Variants in ASPRV1 observed in about 807,000 individuals in gnomAD.
The protein encoded by ASPRV1 is retroviral-like aspartic protease 1.
A neutral mutation model predicts 11.0 loss-of-function variants in ASPRV1; 7 were observed. The ratio of observed to expected loss-of-function variants is 0.64; its 90% confidence interval spans 0.36 to 1.20. The LOEUF (loss-of-function observed/expected upper bound fraction) is 1.20. Ranked by LOEUF, ASPRV1 falls within the 50% of genes most tolerant of loss-of-function variation. ASPRV1 has a pLI of 0.02. For missense variants in ASPRV1, 299 were observed against 320.0 expected, an observed-to-expected ratio of 0.93 and a Z score of 0.50; for synonymous variants, 136 against 138.4, an observed-to-expected ratio of 0.98 and a Z score of 0.12.
the ASPRV1 span, chr2:69,942,660 T>C: frequency 2.0e-5 from 3 of 152,230 alleles, no homozygotes; most frequent in African/African-American, 4.8e-5. Context: ...TCTTGGAATA[T>C]TGCTGTTACC....
the ASPRV1 span, chr2:70,032,207 G>A: frequency 6.6e-6 from 1 of 152,164 alleles, no homozygotes; most frequent in African/African-American, 2.4e-5. Flanking sequence ...GAATTACAGT[G>A]GATGTTAAGA....
upstream of ASPRV1, chr2:69,961,947 G>A: frequency 2.4e-6 from 1 of 412,608 alleles, no homozygotes; most frequent in Non-Finnish European, 4.5e-6. Context: ...AGGAAGGGGA[G>A]GCAGGGACCA....
chr2:69,984,740 C>T, the ASPRV1 span, among the ~76,000 whole-genome samples: 1 of 151,508 alleles, frequency 6.6e-6, no homozygotes, highest in African/African-American at 2.4e-5. Flanking sequence ...CCTGCCTCAG[C>T]CTACCGAGTA....
At chr2:69,942,795 G>A in the ASPRV1 span, 2 of 152,144 alleles carry the variant, frequency 1.3e-5, no homozygotes, top group African/African-American at 4.8e-5. Context: ...TGTAAATCCT[G>A]TGTCAAGATC....
chr2:70,044,403 G>T, the ASPRV1 span, among the ~76,000 whole-genome samples: 2 of 152,238 alleles, frequency 1.3e-5, no homozygotes, highest in Non-Finnish European at 2.9e-5. Flanking sequence ...CTGGATGTGT[G>T]CCAGCACCCA....
the ASPRV1 span, among the ~76,000 whole-genome samples, chr2:70,065,093 TCAAAACAAAA>T: frequency 5.3e-5 from 8 of 149,834 alleles, no homozygotes; most frequent in Admixed American, 3.3e-4. Flanking sequence ...AGACTCCATC[TCAAAACAAAA>T]CAAAACAAAA....
the ASPRV1 span, among the ~76,000 whole-genome samples, chr2:69,972,951 C>G: frequency 6.6e-6 from 1 of 152,078 alleles, no homozygotes; most frequent in African/African-American, 2.4e-5. Flanking sequence ...CCTCAGTAGC[C>G]TCTTTCCATC....
At chr2:69,936,306 G>A in the ASPRV1 span, among the ~76,000 whole-genome samples, 2 of 152,042 alleles carry the variant, frequency 1.3e-5, no homozygotes, top group African/African-American at 4.8e-5. Context: ...CCATTGTGTT[G>A]TCTCAATCCT....
downstream of ASPRV1, among the ~76,000 whole-genome samples, chr2:69,959,660 G>A (rs1678018927): frequency 6.6e-6 from 1 of 152,026 alleles, no homozygotes; most frequent in Non-Finnish European, 1.5e-5. Flanking sequence ...CCCCACACAG[G>A]TCAACACTTG....
At chr2:70,044,160 C>T in the ASPRV1 span, among the ~76,000 whole-genome samples, 2,060 of 152,222 alleles carry the variant, frequency 0.014, 24 homozygotes, top group Non-Finnish European at 0.02. Flanking sequence ...GTTTCACAAT[C>T]AAAACTCTTC....
the ASPRV1 span, chr2:70,073,328 A>G: frequency 6.6e-6 from 1 of 152,186 alleles, no homozygotes; most frequent in African/African-American, 2.4e-5. Context: ...ACTAATAAAT[A>G]ACTAAGAAGT....
At chr2:70,083,746 A>G in the ASPRV1 span, 34,312 of 152,016 alleles carry the variant, frequency 0.23, 6,926 homozygotes, top group African/African-American at 0.51. Flanking sequence ...TAAACCTCCC[A>G]CCCCGCCAAA....
At chr2:70,004,528 CAAAAAAAAAA>C in the ASPRV1 span, among the ~76,000 whole-genome samples, 2 of 54,640 alleles carry the variant, frequency 3.7e-5, no homozygotes, top group African/African-American at 1.2e-4. Flanking sequence ...AACTCCATCT[CAAAAAAAAAA>C]AAAAAAAAAA....
At chr2:70,053,324 T>C in the ASPRV1 span, among the ~76,000 whole-genome samples, 1 of 151,866 alleles carries the variant, frequency 6.6e-6, no homozygotes, top group Non-Finnish European at 1.5e-5. Flanking sequence ...TTCCCAAAGG[T>C]GAAATCCACA....
At chr2:70,043,907 G>T in the ASPRV1 span, among the ~76,000 whole-genome samples, 1 of 152,026 alleles carries the variant, frequency 6.6e-6, no homozygotes, top group Non-Finnish European at 1.5e-5. Context: ...TGGGGTCATG[G>T]GCCTCCATAA....
the ASPRV1 span, among the ~76,000 whole-genome samples, chr2:70,080,012 T>C: frequency 0.15 from 22,916 of 152,188 alleles, 2,713 homozygotes; most frequent in East Asian, 0.3. Context: ...TTGTGCTTAG[T>C]AAGTGGGATC....
At chr2:69,935,053 G>A in the ASPRV1 span, among the ~76,000 whole-genome samples, 1 of 151,972 alleles carries the variant, frequency 6.6e-6, no homozygotes, top group Non-Finnish European at 1.5e-5. Flanking sequence ...CATGAGTCAG[G>A]GACCATTACT....
At chr2:70,068,280 G>A in the ASPRV1 span, among the ~76,000 whole-genome samples, 3 of 152,252 alleles carry the variant, frequency 2.0e-5, no homozygotes, top group Admixed American at 6.5e-5. Context: ...GCCATTTGGA[G>A]GCAGCTCTGG....
the ASPRV1 span, among the ~76,000 whole-genome samples, chr2:69,984,968 T>C: frequency 6.6e-6 from 1 of 151,930 alleles, no homozygotes; most frequent in African/African-American, 2.4e-5. Context: ...GCCATTCTCC[T>C]GCCTCAGCCT....
Sources: allele counts gnomAD v4.1 joint callset (sites outside exome capture counted in the v4.1 genomes callset), GRCh38; gene constraint gnomAD v4.1.1; transcripts MANE v1.5; gene names NCBI Gene and HGNC (gene_info 2026-07-23, HGNC 2026-07-21).